The following GSE1 variants were observed in gnomAD, a reference collection of about 807,000 sequenced individuals.
GSE1 encodes the protein Gse1 coiled-coil protein, also known as genetic suppressor element 1.
GSE1 carries 32 observed loss-of-function variants against 112.6 expected under a neutral mutation model. The ratio of observed to expected loss-of-function variants is 0.28; its 90% CI spans 0.21 to 0.38. GSE1 has a LOEUF of 0.38. Ranked by LOEUF, GSE1 falls within the 10% of genes least tolerant of loss-of-function variation. The probability of loss-of-function intolerance (pLI) is 1.00; values close to 1 mark genes in which losing one functional copy is unlikely to be tolerated. For missense variants in GSE1, 2,348 were observed against 1,699.2 expected, an observed-to-expected ratio of 1.38 and a Z score of -6.71; for synonymous variants, 1,115 against 735.6, an observed-to-expected ratio of 1.52 and a Z score of -8.35.
chr16:85,361,317 C>T, intron 2 of GSE1, among the ~76,000 whole-genome samples: 1 of 117,606 alleles, frequency 8.5e-6, no homozygotes, highest in African/African-American at 3.5e-5. Flanking sequence ...GCACAGACCC[C>T]CCCACACACA....
intron 1 of GSE1, among the ~76,000 whole-genome samples, chr16:85,245,873 G>A (rs562075447): frequency 6.6e-6 from 1 of 152,008 alleles, no homozygotes; most frequent in East Asian, 1.9e-4. Flanking sequence ...TGCCTCCTGC[G>A]TGTGCGTGTG....
At chr16:85,320,680 AG>A (rs2046087986) in intron 1 of GSE1, among the ~76,000 whole-genome samples, 1 of 152,170 alleles carries the variant, frequency 6.6e-6, no homozygotes, top group African/African-American at 2.4e-5. Context: ...TTTCAAAAAA[AG>A]GTCATATTCT....
At chr16:85,493,704 C>T (rs967012595) in intron 2 of GSE1, among the ~76,000 whole-genome samples, 3 of 149,178 alleles carry the variant, frequency 2.0e-5, no homozygotes, top group Non-Finnish European at 3.0e-5. Context: ...GGTGGAGAAT[C>T]GCTTGAACCC....
At chr16:85,581,052 C>A (rs1048074939) in intron 1 of GSE1, among the ~76,000 whole-genome samples, 2 of 152,186 alleles carry the variant, frequency 1.3e-5, no homozygotes, top group African/African-American at 4.8e-5. Context: ...GACATTAGGT[C>A]AGAGGGACAC....
intron 2 of GSE1, among the ~76,000 whole-genome samples, chr16:85,360,341 C>G (rs929066115): frequency 6.6e-6 from 1 of 152,138 alleles, no homozygotes; most frequent in East Asian, 1.9e-4. Flanking sequence ...GCTGACCTGG[C>G]AAGCCAGGAG....
intron 1 of GSE1, among the ~76,000 whole-genome samples, chr16:85,299,837 G>A (rs1227017228): frequency 6.6e-6 from 1 of 151,516 alleles, no homozygotes; most frequent in Non-Finnish European, 1.5e-5. Context: ...TCAGGAGGCA[G>A]AGGCAGGAGG....
At chr16:85,479,593 C>T (rs112257743) in intron 2 of GSE1, among the ~76,000 whole-genome samples, 5,733 of 152,214 alleles carry the variant, frequency 0.038, 339 homozygotes, top group African/African-American at 0.13. Context: ...TGTGAGCCAC[C>T]GTGCCTGGCT....
chr16:85,497,836 C>G (rs2051231597), intron 2 of GSE1, among the ~76,000 whole-genome samples: 1 of 152,190 alleles, frequency 6.6e-6, no homozygotes, highest in Admixed American at 6.5e-5. Context: ...ATCTCAGCAC[C>G]TGACGTGGCA....
chr16:85,667,302 G>C (rs1194157877), intron 13 of GSE1, among the ~76,000 whole-genome samples: 1 of 146,822 alleles, frequency 6.8e-6, no homozygotes, highest in Admixed American at 6.6e-5. Flanking sequence ...TGCCATACCA[G>C]TTTGAGCCAA....
intron 2 of GSE1, among the ~76,000 whole-genome samples, chr16:85,377,683 G>A (rs1452940478): frequency 6.6e-6 from 1 of 152,244 alleles, no homozygotes; most frequent in African/African-American, 2.4e-5. Context: ...AGGTCCTGCA[G>A]GCAGGGGGCC....
chr16:85,657,374 C>T lies in GSE1; in HGVS notation c.1410C>T (p.Ser470=). Residue 470 remains serine, a synonymous_variant, in exon 8 of 16, where the codon TCC becomes TCT. Transcript: ENST00000253458. ...TPHHTVPSLI[S]NHGIFSLPSS... ...ACCACACGGTGCCCAGCCTCATCTC[C>T]AACCATGGCATCTTCTCTCTGCCTA... 6.2e-7 allele frequency: 1 copy of T among 1,612,568 alleles called. No individual in the cohort carries two copies. The highest frequency in any genetic ancestry group is 8.5e-7 in the Non-Finnish European group (1 of 1,179,842).
At chr16:85,198,846 G>A (rs943490826) in intron 1 of GSE1, among the ~76,000 whole-genome samples, 3 of 151,786 alleles carry the variant, frequency 2.0e-5, no homozygotes, top group Admixed American at 6.6e-5. Flanking sequence ...TGGTGTGATC[G>A]TGACTCACTG....
intron 1 of GSE1, chr16:85,556,425 C>T (rs1413962076): frequency 1.3e-6 from 1 of 780,642 alleles, no homozygotes; most frequent in Non-Finnish European, 1.6e-6. Flanking sequence ...GACCCTCCCT[C>T]ACCCGACCCC....
Position 85,670,102 on chromosome 16 carries a change from T to G in GSE1, c.3416-893T>G, listed in dbSNP as rs532206067. On this transcript the variant is annotated intron_variant, in intron 14 of 15. Coordinates refer to ENST00000253458, the MANE Select transcript of GSE1 (RefSeq NM_014615.5). ...ATGGTACAAAACTATTACATCATTT[T>G]TGGACGTGAAGTTTTGACTAGATTT... 4.6e-5 allele frequency among the ~76,000 whole-genome samples: 7 copies of G among 152,386 alleles called. No individual in the cohort carries two copies. The East Asian group carries it at 1.3e-3, about 29-fold the overall frequency.
At chr16:85,267,372 T>C (rs1014125555) in intron 1 of GSE1, among the ~76,000 whole-genome samples, 2 of 152,028 alleles carry the variant, frequency 1.3e-5, no homozygotes, top group Non-Finnish European at 2.9e-5. Context: ...CCTTCCTGAG[T>C]CTCCTCTTTT....
chr16:85,233,817 G>T (rs1312790480), intron 1 of GSE1, among the ~76,000 whole-genome samples: 1 of 152,204 alleles, frequency 6.6e-6, no homozygotes, highest in Non-Finnish European at 1.5e-5. Flanking sequence ...CCCAGGTGAG[G>T]CTGCCTGCTC....
intron 1 of GSE1, among the ~76,000 whole-genome samples, chr16:85,558,378 T>C (rs542064751): frequency 1.4e-4 from 21 of 152,322 alleles, no homozygotes; most frequent in African/African-American, 4.3e-4. Flanking sequence ...GTACAGGGCG[T>C]CTTCAAAGCA....
At chr16:85,566,940 G>C (rs2045775751) in intron 1 of GSE1, among the ~76,000 whole-genome samples, 1 of 152,176 alleles carries the variant, frequency 6.6e-6, no homozygotes. Flanking sequence ...CGGTCACGTA[G>C]GCCTCTCACC....
intron 2 of GSE1, among the ~76,000 whole-genome samples, chr16:85,498,645 C>G (rs28718595): frequency 0.083 from 12,670 of 152,304 alleles, 1,023 homozygotes; most frequent in East Asian, 0.38. Flanking sequence ...CACCTACAAC[C>G]TAGACACCCC....
Sources: allele counts gnomAD v4.1 joint callset (sites outside exome capture counted in the v4.1 genomes callset), GRCh38; gene constraint gnomAD v4.1.1; transcripts MANE v1.5; gene names NCBI Gene and HGNC (gene_info 2026-07-23, HGNC 2026-07-21).